Variants in TTC23 observed in about 807,000 individuals in gnomAD.
The protein encoded by TTC23 is tetratricopeptide repeat domain 23, also known as tetratricopeptide repeat protein 23.
Under a neutral mutation model 55.1 loss-of-function variants are expected in TTC23, and 58 were observed. That is an observed-to-expected ratio of 1.05 (90% CI 0.85 to 1.31). The LOEUF is 1.31. TTC23 is among the 50% of genes most tolerant of loss of function. The pLI is 0.00. For synonymous variants in TTC23, 203 were observed against 199.9 expected, an observed-to-expected ratio of 1.02 and a Z score of -0.13; for missense variants, 516 against 534.4, an observed-to-expected ratio of 0.97 and a Z score of 0.34.
intron 10 of TTC23, among the ~76,000 whole-genome samples, chr15:99,170,652 C>A (rs1437153786): frequency 6.6e-6 from 1 of 152,198 alleles, no homozygotes; most frequent in East Asian, 1.9e-4. Flanking sequence ...TGCAAATTGC[C>A]CTCTCTTATT....
intron 12 of TTC23, chr15:99,155,487 C>T (rs1205630609): frequency 6.6e-6 from 1 of 152,102 alleles, no homozygotes; most frequent in Non-Finnish European, 1.5e-5. Flanking sequence ...GCTAGAACAC[C>T]TGATATTCTA....
chr15:99,228,261 A>C, intron 5 of TTC23: 3 of 284,428 alleles, frequency 1.1e-5, no homozygotes, highest in Non-Finnish European at 2.0e-5. Flanking sequence ...TGAGAGCAGA[A>C]GCTGCATCTG....
At chr15:99,222,869 C>CG (rs200600462) in intron 5 of TTC23, among the ~76,000 whole-genome samples, 2,203 of 152,218 alleles carry the variant, frequency 0.014, 36 homozygotes, top group East Asian at 0.058. Flanking sequence ...TGGTGGCGGC[C>CG]GCCCGTAGTC....
At chr15:99,218,376 AG>A (rs1445186071) in intron 8 of TTC23, among the ~76,000 whole-genome samples, 1 of 152,186 alleles carries the variant, frequency 6.6e-6, no homozygotes, top group Non-Finnish European at 1.5e-5. Context: ...TCTGGGACCC[AG>A]GGCACTCCAC....
At chr15:99,171,480 T>C (rs1456984511) in intron 10 of TTC23, among the ~76,000 whole-genome samples, 1 of 151,590 alleles carries the variant, frequency 6.6e-6, no homozygotes, top group Non-Finnish European at 1.5e-5. Context: ...AGCACCTGTA[T>C]ACAAGAGGTG....
chr15:99,182,103 T>C (rs2074180216), intron 9 of TTC23, among the ~76,000 whole-genome samples: 4 of 152,184 alleles, frequency 2.6e-5, no homozygotes, highest in Admixed American at 2.6e-4. Context: ...AAATCTTAAG[T>C]GGTGGAAAAG....
intron 8 of TTC23, among the ~76,000 whole-genome samples, chr15:99,214,857 T>TA (rs1198197968): frequency 6.9e-6 from 1 of 144,022 alleles, no homozygotes; most frequent in African/African-American, 2.6e-5. Flanking sequence ...TTCTCCTTTT[T>TA]TTTTTTTTTT....
At chr15:99,157,612 T>G (rs147429753) in intron 11 of TTC23, 1 of 152,220 alleles carries the variant, frequency 6.6e-6, no homozygotes, top group Non-Finnish European at 1.5e-5. Flanking sequence ...TATCTATGTA[T>G]AGAACATCCT....
chr15:99,215,457 T>C (rs557515450), intron 8 of TTC23, among the ~76,000 whole-genome samples: 4 of 152,064 alleles, frequency 2.6e-5, no homozygotes, highest in African/African-American at 9.6e-5. Context: ...AAAAAGAAGA[T>C]AACAAGGCCA....
chr15:99,140,632 A>G (rs1175194576), intron 12 of TTC23: 1 of 152,224 alleles, frequency 6.6e-6, no homozygotes, highest in East Asian at 1.9e-4. Flanking sequence ...GGCCTCCCAA[A>G]GTGCGGGGAT....
intron 9 of TTC23, among the ~76,000 whole-genome samples, chr15:99,185,947 G>T (rs765003353): frequency 6.6e-6 from 1 of 151,844 alleles, no homozygotes; most frequent in Non-Finnish European, 1.5e-5. Flanking sequence ...TTTCTCTCTG[G>T]GTATTTCTGT....
At chr15:99,196,320 A>C (rs903516167) in intron 9 of TTC23, among the ~76,000 whole-genome samples, 1 of 152,224 alleles carries the variant, frequency 6.6e-6, no homozygotes, top group Non-Finnish European at 1.5e-5. Flanking sequence ...GTGGCGAGGT[A>C]CATCAAAAAC....
At chr15:99,147,264 CA>C (rs1392321207) in intron 12 of TTC23, among the ~76,000 whole-genome samples, 2 of 136,160 alleles carry the variant, frequency 1.5e-5, no homozygotes, top group Non-Finnish European at 3.1e-5. Context: ...CTCGCTCTGT[CA>C]CCCAGGCTGG....
intron 5 of TTC23, among the ~76,000 whole-genome samples, chr15:99,226,107 T>C (rs1013982168): frequency 6.6e-6 from 1 of 152,202 alleles, no homozygotes; most frequent in Admixed American, 6.5e-5. Context: ...GGTTAAGCAA[T>C]TGTTTCAGAT....
intron 2 of TTC23, among the ~76,000 whole-genome samples, chr15:99,243,072 A>T (rs2079944492): frequency 6.6e-6 from 1 of 152,240 alleles, no homozygotes; most frequent in African/African-American, 2.4e-5. Context: ...AACCCACAGA[A>T]TGGGAGAAAA....
At chr15:99,223,917 A>C (rs2078167159) in intron 5 of TTC23, among the ~76,000 whole-genome samples, 1 of 152,238 alleles carries the variant, frequency 6.6e-6, no homozygotes, top group African/African-American at 2.4e-5. Flanking sequence ...AAGAAAGCTG[A>C]AGGGGTCAAA....
At chr15:99,238,503 T>TA (rs1261455083) in intron 3 of TTC23, among the ~76,000 whole-genome samples, 1 of 152,104 alleles carries the variant, frequency 6.6e-6, no homozygotes, top group Non-Finnish European at 1.5e-5. Context: ...CTTGTTTGGC[T>TA]AAAAAGACTC....
At chr15:99,180,327 T>G (rs1180391460) in intron 9 of TTC23, among the ~76,000 whole-genome samples, 1 of 151,590 alleles carries the variant, frequency 6.6e-6, no homozygotes, top group East Asian at 1.9e-4. Context: ...TATTCCACAT[T>G]GAACAAGGTC....
chr15:99,168,749 G>T (rs539095379), intron 10 of TTC23, among the ~76,000 whole-genome samples: 1 of 152,282 alleles, frequency 6.6e-6, no homozygotes, highest in South Asian at 2.1e-4. Context: ...GCACAAACTT[G>T]GGTGGGGAAC....
Sources: gnomAD v4.1 joint callset for allele counts (sites outside exome capture counted in the v4.1 genomes callset) on GRCh38, gnomAD v4.1.1 for gene constraint, MANE v1.5 for transcripts, NCBI Gene and HGNC (gene_info 2026-07-23, HGNC 2026-07-21) for gene names.